The following PLCL1 variants were observed in gnomAD, a reference collection of about 807,000 sequenced individuals.
The protein encoded by PLCL1 is phospholipase C like 1 (inactive), also known as inactive phospholipase C-like protein 1.
In PLCL1, 41 loss-of-function variants were observed where a neutral mutation model predicts 84.4. That is an observed-to-expected ratio of 0.49 (90% confidence interval 0.38 to 0.63). The LOEUF (loss-of-function observed/expected upper bound fraction) is 0.63, where lower values mean the gene tolerates loss of function less well. Ranked by LOEUF, PLCL1 falls within the 30% of genes least tolerant of loss-of-function variation. The pLI is 0.00. For missense variants in PLCL1, 1,206 were observed against 1,367.8 expected (o/e 0.88, Z 1.87); for synonymous variants, 490 against 488.3 (o/e 1.00, Z -0.05).
intron 1 of PLCL1, among the ~76,000 whole-genome samples, chr2:197,881,181 G>A (rs1003407545): frequency 7.2e-5 from 11 of 152,186 alleles, no homozygotes; most frequent in African/African-American, 2.7e-4. Context: ...TAACTGACAA[G>A]TGAAGGGGTA....
At chr2:197,849,084 A>G (rs962506809) in intron 1 of PLCL1, among the ~76,000 whole-genome samples, 1 of 150,572 alleles carries the variant, frequency 6.6e-6, no homozygotes, top group Non-Finnish European at 1.5e-5. Context: ...GCTACAGTCC[A>G]TAGAATATTG....
In PLCL1 at chr2:197,804,941, T is replaced by C. The variant is rs1690433115; in HGVS notation, c.-159T>C. On this transcript the variant is annotated 5_prime_UTR_variant, in exon 1 of 6. Coordinates refer to ENST00000428675, the MANE Select transcript of PLCL1 (RefSeq NM_006226.4). ...CGAGCGATGTCCCCTCTCCAGAAAG[T>C]TGCCGCCGCCGCCGCCGCCGCCGCC... 1.5e-6 allele frequency: 1 copy of C among 663,810 alleles called. No individual in the cohort carries two copies. Among genetic ancestry groups the C allele is most frequent in the African/African-American group, 2.3e-5 (1 of 43,752 alleles). The allele number at this position is 663,810 out of a possible 1,614,324, so 41.1% of individuals were successfully genotyped here.
intron 5 of PLCL1, among the ~76,000 whole-genome samples, chr2:198,112,361 G>C (rs551934634): frequency 1.3e-5 from 2 of 151,960 alleles, no homozygotes; most frequent in South Asian, 4.1e-4. Context: ...ACCCCTGAGA[G>C]CCCAGCCAGC....
chr2:198,027,111 G>A (rs1183206269), intron 1 of PLCL1, among the ~76,000 whole-genome samples: 2 of 152,120 alleles, frequency 1.3e-5, no homozygotes, highest in East Asian at 3.9e-4. Context: ...CAACCTAATT[G>A]TTCATCAGTG....
intron 1 of PLCL1, among the ~76,000 whole-genome samples, chr2:197,932,402 G>A (rs1396223605): frequency 2.0e-5 from 3 of 152,066 alleles, no homozygotes; most frequent in Admixed American, 1.3e-4. Flanking sequence ...CGTGCAGGAC[G>A]TGGAGGTTTG....
At chr2:197,993,155 C>A (rs921032294) in intron 1 of PLCL1, among the ~76,000 whole-genome samples, 1 of 152,150 alleles carries the variant, frequency 6.6e-6, no homozygotes, top group Non-Finnish European at 1.5e-5. Context: ...CCCTAGCCAA[C>A]ACTTGTACTT....
At chr2:198,007,997 C>T (rs866284046) in intron 1 of PLCL1, among the ~76,000 whole-genome samples, 1 of 152,050 alleles carries the variant, frequency 6.6e-6, no homozygotes, top group African/African-American at 2.4e-5. Flanking sequence ...ACTCCAGTAA[C>T]ATAACATGAT....
At chr2:197,851,764 G>T (rs1161155094) in intron 1 of PLCL1, among the ~76,000 whole-genome samples, 1 of 152,302 alleles carries the variant, frequency 6.6e-6, no homozygotes, top group East Asian at 1.9e-4. Flanking sequence ...GGACAAGAAG[G>T]TCTAGCCTTG....
intron 5 of PLCL1, among the ~76,000 whole-genome samples, chr2:198,132,709 A>G (rs1694148811): frequency 6.6e-6 from 1 of 152,110 alleles, no homozygotes; most frequent in Non-Finnish European, 1.5e-5. Flanking sequence ...AAAAATAAGA[A>G]TGTAGATTCT....
At chr2:197,938,787 GGAAA>G (rs1425264588) in intron 1 of PLCL1, among the ~76,000 whole-genome samples, 1 of 152,116 alleles carries the variant, frequency 6.6e-6, no homozygotes, top group Non-Finnish European at 1.5e-5. Flanking sequence ...TCTTTTATGG[GGAAA>G]GAAAGATAAT....
intron 1 of PLCL1, among the ~76,000 whole-genome samples, chr2:197,854,986 A>G (rs896905020): frequency 6.6e-6 from 1 of 152,214 alleles, no homozygotes; most frequent in Admixed American, 6.6e-5. Flanking sequence ...TCTTTTGGAT[A>G]ACTGAAATGG....
chr2:198,126,896 C>T (rs181496861), intron 5 of PLCL1, among the ~76,000 whole-genome samples: 8 of 152,016 alleles, frequency 5.3e-5, no homozygotes, highest in Non-Finnish European at 7.4e-5. Flanking sequence ...GAGTGAGACC[C>T]TGTCTCAAAC....
intron 1 of PLCL1, among the ~76,000 whole-genome samples, chr2:197,807,216 A>T (rs1017032880): frequency 6.6e-6 from 1 of 152,226 alleles, no homozygotes; most frequent in African/African-American, 2.4e-5. Context: ...GACACTCCAC[A>T]TTCCCACTTA....
intron 1 of PLCL1, among the ~76,000 whole-genome samples, chr2:197,995,797 T>C (rs1690450048): frequency 6.6e-6 from 1 of 152,206 alleles, no homozygotes; most frequent in Non-Finnish European, 1.5e-5. Flanking sequence ...GCTGCTGGTA[T>C]CTGCTTCTTT....
intron 1 of PLCL1, among the ~76,000 whole-genome samples, chr2:197,971,081 TC>T (rs1329129162): frequency 6.6e-6 from 1 of 152,248 alleles, no homozygotes; most frequent in Non-Finnish European, 1.5e-5. Context: ...GCTAACATTT[TC>T]TTATCTTTGT....
At chr2:197,872,841 G>T (rs1180054255) in intron 1 of PLCL1, among the ~76,000 whole-genome samples, 1 of 152,086 alleles carries the variant, frequency 6.6e-6, no homozygotes, top group East Asian at 1.9e-4. Context: ...AGGATGACAG[G>T]CTGAGTAAAA....
At chr2:197,903,713 C>T (rs999050364) in intron 1 of PLCL1, among the ~76,000 whole-genome samples, 1 of 133,736 alleles carries the variant, frequency 7.5e-6, no homozygotes, top group East Asian at 2.1e-4. Context: ...CCGTGTTAGC[C>T]GGGATGGTCT....
intron 1 of PLCL1, among the ~76,000 whole-genome samples, chr2:197,843,861 G>A (rs1559022407): frequency 1.3e-5 from 2 of 152,166 alleles, no homozygotes; most frequent in Non-Finnish European, 2.9e-5. Context: ...TAGTTTCACA[G>A]ATAATGCTAA....
In PLCL1 at chr2:198,084,220, A is replaced by G; in HGVS notation, c.703A>G (p.Asn235Asp). Residue 235 changes from asparagine (N) to aspartate (D), a missense_variant, in exon 2 of 6, where the codon AAC becomes GAC. Physicochemically the swap from Asn to Asp is conservative, Grantham distance 23. Transcript: ENST00000428675. ...GCAGCCTCTTGATTTTATGGAGGGC[A>G]ACCAGAACACACCACGGTTCATGTG... The part of the protein sequence containing the change: ...SKQPLDFMEG[N>D]QNTPRFMWLK... 1.2e-6 allele frequency: 2 copies of G among 1,614,140 alleles called. No homozygotes were observed. The highest frequency in any genetic ancestry group is 1.7e-6 in the Non-Finnish European group (2 of 1,179,998).
Sources: allele counts gnomAD v4.1 joint callset (sites outside exome capture counted in the v4.1 genomes callset), GRCh38; gene constraint gnomAD v4.1.1; transcripts MANE v1.5; gene names NCBI Gene and HGNC (gene_info 2026-07-23, HGNC 2026-07-21).